Variants in CPNE8 observed in about 807,000 individuals in gnomAD.
CPNE8 encodes the protein copine-8.
In CPNE8, 45 loss-of-function variants were observed where a neutral mutation model predicts 81.5. The observed-to-expected ratio is 0.55, with a 90% CI of 0.44 to 0.71. The LOEUF (loss-of-function observed/expected upper bound fraction) is 0.71, where lower values mean the gene tolerates loss of function less well. Among genes scored for constraint, CPNE8 ranks in the 30% least tolerant of loss-of-function variants. CPNE8 has a pLI of 0.00. For missense variants in CPNE8, 594 were observed against 672.1 expected, an observed-to-expected ratio of 0.88 and a Z score of 1.28; for synonymous variants, 252 against 226.3, an observed-to-expected ratio of 1.11 and a Z score of -1.02.
At chr12:38,673,468 C>T (rs1418811319) in intron 18 of CPNE8, among the ~76,000 whole-genome samples, 1 of 151,964 alleles carries the variant, frequency 6.6e-6, no homozygotes, top group Non-Finnish European at 1.5e-5. Flanking sequence ...CTATATTAAA[C>T]ATGAGTTTAA....
At chr12:38,764,012 C>T (rs890162437) in intron 8 of CPNE8, among the ~76,000 whole-genome samples, 2 of 152,036 alleles carry the variant, frequency 1.3e-5, no homozygotes, top group Non-Finnish European at 2.9e-5. Flanking sequence ...CAAGACTTAA[C>T]GGCATCCGTG....
At chr12:38,690,114 G>A (rs1939640631) in intron 15 of CPNE8, among the ~76,000 whole-genome samples, 1 of 152,006 alleles carries the variant, frequency 6.6e-6, no homozygotes, top group South Asian at 2.1e-4. Context: ...CTATCCAAAA[G>A]AATTATGTGA....
intron 1 of CPNE8, among the ~76,000 whole-genome samples, chr12:38,877,597 C>A (rs945149840): frequency 6.6e-6 from 1 of 151,982 alleles, no homozygotes; most frequent in African/African-American, 2.4e-5. Context: ...ATACAGTGTA[C>A]AAGTTAGAAA....
chr12:38,717,295 C>A (rs1011162517), intron 13 of CPNE8, among the ~76,000 whole-genome samples: 2 of 151,318 alleles, frequency 1.3e-5, no homozygotes, highest in African/African-American at 4.8e-5. Flanking sequence ...TGGGTATCTA[C>A]CCAGAGGAAA....
At chr12:38,693,607 G>A in intron 15 of CPNE8, 50 bp downstream of exon 15, 2 of 1,477,650 alleles carry the variant, frequency 1.4e-6, no homozygotes, top group South Asian at 2.6e-5. Context: ...AATATTAAAA[G>A]GTCTAACATT....
At chr12:38,895,650 A>G (rs573861038) in intron 1 of CPNE8, among the ~76,000 whole-genome samples, 1 of 152,202 alleles carries the variant, frequency 6.6e-6, no homozygotes, top group African/African-American at 2.4e-5. Context: ...GAACAGAAAA[A>G]CAGGAAAGCA....
At chr12:38,883,045 C>T (rs1219745572) in intron 1 of CPNE8, among the ~76,000 whole-genome samples, 1 of 152,208 alleles carries the variant, frequency 6.6e-6, no homozygotes, top group African/African-American at 2.4e-5. Context: ...ACAAATTGCA[C>T]ACCTACTATT....
intron 3 of CPNE8, among the ~76,000 whole-genome samples, chr12:38,855,684 C>T (rs999445013): frequency 3.3e-5 from 5 of 152,078 alleles, no homozygotes; most frequent in Non-Finnish European, 4.4e-5. Context: ...AATAATAATG[C>T]ACTGTATATT....
chr12:38,756,635 C>G (rs1192027964), intron 10 of CPNE8, among the ~76,000 whole-genome samples: 1 of 152,176 alleles, frequency 6.6e-6, no homozygotes, highest in Non-Finnish European at 1.5e-5. Context: ...TATTGGTTTT[C>G]TATGAGTAAA....
intron 1 of CPNE8, among the ~76,000 whole-genome samples, chr12:38,900,049 A>G (rs1203591272): frequency 2.0e-5 from 3 of 152,148 alleles, no homozygotes; most frequent in Non-Finnish European, 4.4e-5. Flanking sequence ...TATTTTTAAT[A>G]TAATTTAATT....
At chr12:38,823,167 T>G (rs1355274828) in intron 6 of CPNE8, among the ~76,000 whole-genome samples, 2 of 152,190 alleles carry the variant, frequency 1.3e-5, no homozygotes, top group African/African-American at 4.8e-5. Context: ...ACCCTGTAAG[T>G]CTCTGCCTCA....
rs528783663 is a variant in CPNE8 at position 38,891,880 on chromosome 12, A to G, written c.98+13557T>C. On this transcript the variant is annotated intron_variant, in intron 1 of 19. Coordinates refer to ENST00000331366, the MANE Select transcript of CPNE8 (RefSeq NM_153634.3). ...GAAAACCTTTCATGTGCAAAGCACAAAGTCTGGTTTTGTAATAATCAATGA... is the reference window on the plus strand; with the variant it reads ...GAAAACCTTTCATGTGCAAAGCACAGAGTCTGGTTTTGTAATAATCAATGA... Among the ~76,000 whole-genome samples, 6 of 152,386 alleles carry G rather than the reference A, an allele frequency of 3.9e-5. No individual in the cohort carries two copies. In the East Asian group the frequency reaches 1.2e-3, roughly 29 times the overall value.
chr12:38,688,228 CTCT>C (rs2098082504), intron 15 of CPNE8, among the ~76,000 whole-genome samples: 1 of 152,104 alleles, frequency 6.6e-6, no homozygotes, highest in East Asian at 1.9e-4. Flanking sequence ...CACCATTTTT[CTCT>C]TCTTTGAGAA....
At chr12:38,717,641 G>A (rs1003843261) in intron 13 of CPNE8, among the ~76,000 whole-genome samples, 1 of 151,228 alleles carries the variant, frequency 6.6e-6, no homozygotes, top group Non-Finnish European at 1.5e-5. Context: ...ATGATACAAC[G>A]GACTTTGGGG....
At chr12:38,756,814 G>A (rs1482118748) in intron 10 of CPNE8, among the ~76,000 whole-genome samples, 1 of 152,162 alleles carries the variant, frequency 6.6e-6, no homozygotes, top group Non-Finnish European at 1.5e-5. Context: ...CAATATGGCA[G>A]CCCCTAGCCA....
In CPNE8 at chr12:38,674,403, C is replaced by G. The variant is rs372114009; in HGVS notation, c.1432+1314G>C. 1.9e-4 allele frequency among the ~76,000 whole-genome samples: 29 copies of G among 152,178 alleles called. No individual in the cohort carries two copies. In the East Asian group the frequency reaches 2.3e-3, roughly 12 times the overall value. ...AAGATACATCCTTCAAAGTCAAAAG[C>G]AAATAGTAGCCAAAGAAGAAAGCAT... On this transcript the variant is annotated intron_variant, in intron 18 of 19. Coordinates refer to ENST00000331366, the MANE Select transcript of CPNE8 (RefSeq NM_153634.3).
chr12:38,735,034 T>C (rs982948023), intron 10 of CPNE8, among the ~76,000 whole-genome samples: 4 of 152,110 alleles, frequency 2.6e-5, no homozygotes, highest in African/African-American at 7.2e-5. Flanking sequence ...TGTAAACAAA[T>C]TGTATGTGAA....
At chr12:38,787,807 C>T (rs186376953) in intron 6 of CPNE8, among the ~76,000 whole-genome samples, 126 of 151,592 alleles carry the variant, frequency 8.3e-4, no homozygotes, top group African/African-American at 3.0e-3. Context: ...TAGCAGCTAA[C>T]ATAAGCACCT....
chr12:38,657,937 G>C (rs1938860311), intron 19 of CPNE8, among the ~76,000 whole-genome samples: 1 of 152,040 alleles, frequency 6.6e-6, no homozygotes, highest in African/African-American at 2.4e-5. Flanking sequence ...CACAAAGATG[G>C]GGAGAAACCA....
Sources: allele counts gnomAD v4.1 joint callset (sites outside exome capture counted in the v4.1 genomes callset), GRCh38; gene constraint gnomAD v4.1.1; transcripts MANE v1.5; gene names NCBI Gene and HGNC (gene_info 2026-07-23, HGNC 2026-07-21).